Variants in SDHAF3 observed in about 807,000 individuals in gnomAD.
The protein encoded by SDHAF3 is succinate dehydrogenase complex assembly factor 3.
A neutral mutation model predicts 11.5 loss-of-function variants in SDHAF3; 18 were observed. The observed-to-expected ratio is 1.56, with a 90% CI of 1.08 to 2.32. The LOEUF (loss-of-function observed/expected upper bound fraction) is 2.32, where lower values mean the gene tolerates loss of function less well. Among genes scored for constraint, SDHAF3 ranks in the 30% most tolerant of loss-of-function variants. SDHAF3 has a pLI of 0.00. For synonymous variants in SDHAF3, 72 were observed against 59.3 expected, an observed-to-expected ratio of 1.21 and a Z score of -0.99; for missense variants, 200 against 154.4, an observed-to-expected ratio of 1.30 and a Z score of -1.57.
At chr7:97,149,106 A>AT (rs1052053652) in intron 1 of SDHAF3, among the ~76,000 whole-genome samples, 49 of 150,672 alleles carry the variant, frequency 3.3e-4, no homozygotes, top group Admixed American at 1.5e-3. Context: ...TTTTTTTTCT[A>AT]TTTTTTTTGT....
At position 97,181,153 on chromosome 7, in the gene SDHAF3, C is replaced by G. The variant is rs201813949; in HGVS notation, c.316C>G (p.Gln106Glu). Residue 106 changes from glutamine (Q) to glutamate (E), a missense_variant, in exon 2 of 2, where the codon CAA becomes GAA. Transcript: ENST00000432641. ...EQIGQLQELMQEATKPNRQFS... is the reference protein window; with the variant it reads ...EQIGQLQELMEEATKPNRQFS... ...AATTGGACAGTTGCAGGAGCTGATGCAAGAAGCCACAAAACCCAATAGGCA... is the reference window on the plus strand; with the variant it reads ...AATTGGACAGTTGCAGGAGCTGATGGAAGAAGCCACAAAACCCAATAGGCA... 1.2e-5 allele frequency: 20 copies of G among 1,613,736 alleles called. No individual in the cohort carries two copies. The Admixed American group carries it at 1.8e-4, about 15-fold the overall frequency.
At chr7:97,120,175 C>T (rs182531819) in intron 1 of SDHAF3, among the ~76,000 whole-genome samples, 2 of 152,248 alleles carry the variant, frequency 1.3e-5, no homozygotes, top group Admixed American at 6.5e-5. Context: ...AGTTGACACG[C>T]GTCTGTAGAG....
chr7:97,163,233 C>T (rs971881208), intron 1 of SDHAF3, among the ~76,000 whole-genome samples: 5 of 143,332 alleles, frequency 3.5e-5, no homozygotes, highest in African/African-American at 1.3e-4. Context: ...CCTCAGCCTT[C>T]CGGTTTCAAG....
At chr7:97,162,602 T>C (rs1789430556) in intron 1 of SDHAF3, among the ~76,000 whole-genome samples, 1 of 152,228 alleles carries the variant, frequency 6.6e-6, no homozygotes, top group Admixed American at 6.5e-5. Context: ...TTTGTTCTCA[T>C]TGGTTTCGAA....
At chr7:97,176,311 C>T (rs1789678845) in intron 1 of SDHAF3, among the ~76,000 whole-genome samples, 1 of 152,184 alleles carries the variant, frequency 6.6e-6, no homozygotes, top group Non-Finnish European at 1.5e-5. Context: ...TGCACATTCT[C>T]TTTGGTTCAA....
chr7:97,121,511 G>A (rs956764169), intron 1 of SDHAF3, among the ~76,000 whole-genome samples: 1 of 152,130 alleles, frequency 6.6e-6, no homozygotes. Context: ...TTTGTTTCTA[G>A]AAAAAGGCAG....
At chr7:97,119,452 G>T (rs1791458322) in intron 1 of SDHAF3, among the ~76,000 whole-genome samples, 1 of 152,168 alleles carries the variant, frequency 6.6e-6, no homozygotes, top group Non-Finnish European at 1.5e-5. Flanking sequence ...TGGTAACTGG[G>T]ATTGAGCTTT....
chr7:97,124,025 G>C (rs1791538634), intron 1 of SDHAF3, among the ~76,000 whole-genome samples: 1 of 152,044 alleles, frequency 6.6e-6, no homozygotes, highest in African/African-American at 2.4e-5. Context: ...GTCAATTTTG[G>C]CTTTCGTTGC....
intron 1 of SDHAF3, among the ~76,000 whole-genome samples, chr7:97,169,761 T>C (rs896148106): frequency 2.6e-5 from 4 of 152,146 alleles, no homozygotes; most frequent in African/African-American, 7.2e-5. Context: ...GAAAAAATTA[T>C]AGTTTTGAAC....
At chr7:97,129,673 CT>C (rs933023103) in intron 1 of SDHAF3, among the ~76,000 whole-genome samples, 1 of 152,128 alleles carries the variant, frequency 6.6e-6, no homozygotes, top group African/African-American at 2.4e-5. Flanking sequence ...TTCAGTGCCG[CT>C]TTGCCAGCCA....
intron 1 of SDHAF3, among the ~76,000 whole-genome samples, chr7:97,138,867 G>A (rs1788974626): frequency 1.3e-5 from 2 of 152,200 alleles, no homozygotes; most frequent in South Asian, 4.1e-4. Context: ...CCCTGCTTGT[G>A]CCCAGGCTCA....
At position 97,135,774 on chromosome 7, in the gene SDHAF3, G is replaced by A. The variant is rs549089813; in HGVS notation, c.174+17877G>A. Among the ~76,000 whole-genome samples, 349 of 141,938 alleles carry A rather than the reference G, an allele frequency of 2.5e-3. 4 individuals are homozygous for A. Among genetic ancestry groups the A allele is most frequent in the South Asian group, 0.024 (104 of 4,268 alleles). The allele number at this position is 141,938 out of a possible 152,430, so 93.1% of individuals were successfully genotyped here. A position where few individuals can be genotyped will look rare whatever the true frequency, so the allele number is the denominator to read the frequency against. ...TCAATCTCGGCTCACTGCAAGCTCC[G>A]CCTCCCAGGTTCACACCATTCTTCT... is the stretch of plus-strand genomic sequence containing the variant. On this transcript the variant is annotated intron_variant, in intron 1 of 1. Transcript: ENST00000432641.
rs148561431 is a variant in SDHAF3 at position 97,153,939 on chromosome 7, G to A, written c.175-27073G>A. On this transcript the variant is annotated intron_variant, in intron 1 of 1. Transcript: ENST00000432641. ...GTTTTCCTAATTGTCACATGCATCC[G>A]TGTGAAGAGACCACCAAACAGGCTT... 2.6e-3 allele frequency among the ~76,000 whole-genome samples: 389 copies of A among 152,278 alleles called. 1 individual carries two copies. The highest frequency in any genetic ancestry group is 8.9e-3 in the African/African-American group (368 of 41,558).
intron 1 of SDHAF3, among the ~76,000 whole-genome samples, chr7:97,164,232 TC>T (rs1789463063): frequency 6.7e-6 from 1 of 149,808 alleles, no homozygotes; most frequent in Non-Finnish European, 1.5e-5. Flanking sequence ...GCGCCTGGCC[TC>T]TTTTTTTTTT....
At chr7:97,150,562 CTT>C (rs34184405) in intron 1 of SDHAF3, among the ~76,000 whole-genome samples, 583 of 104,742 alleles carry the variant, frequency 5.6e-3, no homozygotes, top group Middle Eastern at 0.011. Flanking sequence ...TCTTTTTTTC[CTT>C]TTTTTTTTTT....
intron 1 of SDHAF3, among the ~76,000 whole-genome samples, chr7:97,154,364 G>T (rs191833705): frequency 2.6e-5 from 4 of 152,302 alleles, no homozygotes; most frequent in Admixed American, 6.5e-5. Context: ...CTTAGCTTGG[G>T]TTAAGAGGCC....
rs149726646 is a variant in SDHAF3 at position 97,168,589 on chromosome 7, C to A, written c.175-12423C>A. ...TTTGCAATGATGGTTTCAATCCCTT[C>A]CTTTGGGTTTTATAACACCTTAATC... On this transcript the variant is annotated intron_variant, in intron 1 of 1. Coordinates refer to ENST00000432641, the MANE Select transcript of SDHAF3 (RefSeq NM_020186.3). 2.6e-5 allele frequency among the ~76,000 whole-genome samples: 4 copies of A among 152,206 alleles called. No individual in the cohort carries two copies. The East Asian group carries it at 5.8e-4, about 22-fold the overall frequency.
intron 1 of SDHAF3, among the ~76,000 whole-genome samples, chr7:97,140,676 C>T (rs1170652435): frequency 6.6e-6 from 1 of 152,156 alleles, no homozygotes; most frequent in African/African-American, 2.4e-5. Flanking sequence ...ATCACTTCCC[C>T]AATCGATACC....
In SDHAF3 at chr7:97,117,751, C is replaced by G; in HGVS notation, c.28C>G (p.Arg10Gly). 1 of 1,613,808 alleles carries G rather than the reference C, an allele frequency of 6.2e-7. No homozygotes were observed. The highest frequency in any genetic ancestry group is 8.5e-7 in the Non-Finnish European group (1 of 1,179,850). The change falls in exon 1 of 2, where the codon CGG becomes GGG. Residue 10 changes from arginine to glycine, a missense_variant. Transcript: ENST00000432641. Reference sequence around the variant, plus strand: ...GCCGGGGCGGCACGTTTCTCGAGTCCGGGCATTGTACAAGCGCGTCTTGCA... The same window carrying G: ...GCCGGGGCGGCACGTTTCTCGAGTCGGGGCATTGTACAAGCGCGTCTTGCA... MPGRHVSRV[R>G]ALYKRVLQLH...
Sources: gnomAD v4.1 joint callset for allele counts (sites outside exome capture counted in the v4.1 genomes callset) on GRCh38, gnomAD v4.1.1 for gene constraint, MANE v1.5 for transcripts, NCBI Gene and HGNC (gene_info 2026-07-23, HGNC 2026-07-21) for gene names.